Variants in SPAG16 observed in about 807,000 individuals in gnomAD.
SPAG16 encodes the protein sperm-associated antigen 16 protein.
In SPAG16, 86 loss-of-function variants were observed where a neutral mutation model predicts 80.4. The ratio of observed to expected loss-of-function variants is 1.07; its 90% CI spans 0.90 to 1.28. The LOEUF (loss-of-function observed/expected upper bound fraction) is 1.28, where lower values mean the gene tolerates loss of function less well. Among genes scored for constraint, SPAG16 ranks in the 50% most tolerant of loss-of-function variants. The probability of loss-of-function intolerance (pLI) is 0.00; values close to 1 mark genes in which losing one functional copy is unlikely to be tolerated. For synonymous variants in SPAG16, 294 were observed against 265.9 expected, an observed-to-expected ratio of 1.11 and a Z score of -1.03; for missense variants, 870 against 765.3, an observed-to-expected ratio of 1.14 and a Z score of -1.61.
chr2:213,762,938 T>TA (rs566237915), intron 10 of SPAG16, among the ~76,000 whole-genome samples: 1 of 152,118 alleles, frequency 6.6e-6, no homozygotes, highest in Non-Finnish European at 1.5e-5. Flanking sequence ...ACTCAATAGT[T>TA]AAAAAAACCA....
intron 15 of SPAG16, among the ~76,000 whole-genome samples, chr2:214,350,058 A>C (rs994673904): frequency 6.6e-6 from 1 of 152,108 alleles, no homozygotes; most frequent in Admixed American, 6.5e-5. Context: ...GAGAACTGCT[A>C]TTCTTCTGTA....
chr2:213,927,857 AG>A (rs1225333484), intron 11 of SPAG16, among the ~76,000 whole-genome samples: 5 of 152,212 alleles, frequency 3.3e-5, no homozygotes, highest in Non-Finnish European at 5.9e-5. Flanking sequence ...CCCATTGGAA[AG>A]ATAGATTTGA....
intron 13 of SPAG16, among the ~76,000 whole-genome samples, chr2:214,016,372 T>C (rs1046518218): frequency 2.6e-5 from 4 of 152,172 alleles, no homozygotes; most frequent in African/African-American, 4.8e-5. Context: ...GTGAGACTTA[T>C]TCACTATCAC....
rs73075039 is a variant in SPAG16 at position 214,044,646 on chromosome 2, A to C, written c.1527+30569A>C. 7.2e-3 allele frequency among the ~76,000 whole-genome samples: 1,094 copies of C among 152,336 alleles called. 20 individuals are homozygous for C. The highest frequency in any genetic ancestry group is 0.025 in the African/African-American group (1,055 of 41,572). ...AGGCACTGAAAAGGATAGAAAAGAC[A>C]GTCTTGAATTGCCATTGCCACCCCT... On this transcript the variant is annotated intron_variant, in intron 13 of 15. Coordinates refer to ENST00000331683, the MANE Select transcript of SPAG16 (RefSeq NM_024532.5).
chr2:213,692,394 C>T (rs1387570703), intron 10 of SPAG16, among the ~76,000 whole-genome samples: 3 of 152,008 alleles, frequency 2.0e-5, no homozygotes, highest in Non-Finnish European at 2.9e-5. Context: ...TGTGTTTGTA[C>T]TAAAAATACA....
At chr2:213,331,161 G>A (rs1458161534) in intron 5 of SPAG16, among the ~76,000 whole-genome samples, 1 of 152,008 alleles carries the variant, frequency 6.6e-6, no homozygotes, top group Admixed American at 6.5e-5. Context: ...CCTGTGTGTT[G>A]CCCTTTCCCC....
chr2:214,315,368 T>C lies in SPAG16; in HGVS notation c.1721-94772T>C, dbSNP rs75656091. Among the ~76,000 whole-genome samples the C allele has an allele frequency of 4.7e-3, 719 of 152,320 alleles. 4 individuals are homozygous for C. The highest frequency in any genetic ancestry group is 0.017 in the African/African-American group (692 of 41,560). ...TCCCTTATAATCTCCATTTATAATA[T>C]TTAAAAGGTTCTGTGTTGGCATTCA... On this transcript the variant is annotated intron_variant, in intron 15 of 15. Transcript: ENST00000331683.
chr2:214,197,367 G>C (rs1480684361), intron 15 of SPAG16, among the ~76,000 whole-genome samples: 1 of 151,814 alleles, frequency 6.6e-6, no homozygotes, highest in Admixed American at 6.6e-5. Context: ...AGCTTTATTT[G>C]GAAGTCAGAG....
intron 10 of SPAG16, among the ~76,000 whole-genome samples, chr2:213,599,180 C>A (rs905344849): frequency 3.3e-5 from 5 of 152,106 alleles, no homozygotes; most frequent in African/African-American, 1.2e-4. Flanking sequence ...ACACAAATAG[C>A]CTAATGATTA....
At chr2:214,390,469 T>A (rs1263553671) in intron 15 of SPAG16, among the ~76,000 whole-genome samples, 1 of 152,164 alleles carries the variant, frequency 6.6e-6, no homozygotes, top group Non-Finnish European at 1.5e-5. Context: ...TGACTATTCT[T>A]CTACACCACT....
chr2:213,930,052 G>A lies in SPAG16; in HGVS notation c.1307G>A (p.Ser436Asn), dbSNP rs1270740113. Residue 436 changes from serine to asparagine, a missense_variant, in exon 12 of 16, where the codon AGC (serine) becomes AAC (asparagine). Transcript: ENST00000331683. Reference protein sequence around the residue: ...GDCILTFEGHSRAVWSCTWHS... With the variant: ...GDCILTFEGHNRAVWSCTWHS... Reference sequence around the variant, plus strand: ...TGCATTTTGACCTTTGAAGGACACAGCCGCGCAGTGTGGTCCTGCACATGG... The same window carrying A: ...TGCATTTTGACCTTTGAAGGACACAACCGCGCAGTGTGGTCCTGCACATGG... 9.9e-6 allele frequency: 16 copies of A among 1,613,994 alleles called. No homozygotes were observed. The highest frequency in any genetic ancestry group is 1.4e-5 in the Non-Finnish European group (16 of 1,179,994).
At chr2:213,360,989 C>T (rs1311394973) in intron 7 of SPAG16, among the ~76,000 whole-genome samples, 1 of 151,956 alleles carries the variant, frequency 6.6e-6, no homozygotes, top group Non-Finnish European at 1.5e-5. Context: ...ATTTAGCTTA[C>T]TGTGTTTCTC....
At chr2:213,999,818 G>A (rs1229896600) in intron 12 of SPAG16, among the ~76,000 whole-genome samples, 5 of 152,222 alleles carry the variant, frequency 3.3e-5, no homozygotes, top group Non-Finnish European at 7.3e-5. Context: ...TTATTTTGGA[G>A]CTTTAAAATT....
intron 10 of SPAG16, among the ~76,000 whole-genome samples, chr2:213,677,050 A>G (rs1325789628): frequency 6.6e-6 from 1 of 152,094 alleles, no homozygotes; most frequent in Non-Finnish European, 1.5e-5. Flanking sequence ...GATTATTGCC[A>G]CATTTCAGCT....
intron 15 of SPAG16, among the ~76,000 whole-genome samples, chr2:214,316,879 T>G (rs1695735191): frequency 1.3e-5 from 2 of 152,226 alleles, no homozygotes; most frequent in Non-Finnish European, 2.9e-5. Flanking sequence ...ATCTGCTGTT[T>G]CCAGCTCTCC....
rs73076840 is a variant in SPAG16, at chr2:214,095,716, G to A, written c.1528-12480G>A. Among the ~76,000 whole-genome samples, 854 of 152,064 alleles carry A rather than the reference G, an allele frequency of 5.6e-3. 6 individuals are homozygous for A. Among genetic ancestry groups the A allele is most frequent in the African/African-American group, 0.02 (832 of 41,488 alleles). ...AGTAAATACTATCATATAAAATATA[G>A]ATCCTTAATGTGCATAAAGTTTCAG... On this transcript the variant is annotated intron_variant, in intron 13 of 15. Transcript: ENST00000331683.
At chr2:213,781,262 A>G (rs1332268134) in intron 10 of SPAG16, among the ~76,000 whole-genome samples, 2 of 152,308 alleles carry the variant, frequency 1.3e-5, no homozygotes, top group East Asian at 1.9e-4. Flanking sequence ...AGTCTTCTCC[A>G]TTATGGAGAG....
chr2:213,473,586 A>C (rs2073206704), intron 9 of SPAG16, among the ~76,000 whole-genome samples: 1 of 152,124 alleles, frequency 6.6e-6, no homozygotes, highest in African/African-American at 2.4e-5. Flanking sequence ...GATCAGGCAC[A>C]GTAGGCCATC....
At chr2:213,669,593 A>G (rs1354933965) in intron 10 of SPAG16, among the ~76,000 whole-genome samples, 3 of 152,194 alleles carry the variant, frequency 2.0e-5, no homozygotes, top group Non-Finnish European at 4.4e-5. Context: ...TAAAGAAAAA[A>G]CACCTTGAAA....
Sources: gnomAD v4.1 joint callset for allele counts (sites outside exome capture counted in the v4.1 genomes callset) on GRCh38, gnomAD v4.1.1 for gene constraint, MANE v1.5 for transcripts, NCBI Gene and HGNC (gene_info 2026-07-23, HGNC 2026-07-21) for gene names.